Variants in PTPRG observed in about 807,000 individuals in gnomAD.
The protein encoded by PTPRG is receptor-type tyrosine-protein phosphatase gamma.
PTPRG carries 102 observed loss-of-function variants against 165.3 expected under a neutral mutation model. That is an observed-to-expected ratio of 0.62 (90% confidence interval 0.53 to 0.73). The LOEUF is 0.73. Ranked by LOEUF, PTPRG falls within the 30% of genes least tolerant of loss-of-function variation. The probability of loss-of-function intolerance (pLI) is 0.00; values close to 1 mark genes in which losing one functional copy is unlikely to be tolerated. For missense variants in PTPRG, 1,866 were observed against 1,861.4 expected, an observed-to-expected ratio of 1.00 and a Z score of -0.05; for synonymous variants, 675 against 669.5, an observed-to-expected ratio of 1.01 and a Z score of -0.13.
chr3:61,878,985 C>G (rs1476373568), intron 2 of PTPRG, among the ~76,000 whole-genome samples: 2 of 152,148 alleles, frequency 1.3e-5, no homozygotes, highest in African/African-American at 4.8e-5. Flanking sequence ...GTAAGTACTT[C>G]TATATATTAA....
intron 10 of PTPRG, 91 bp from the exon 11 acceptor site, chr3:62,201,414 A>T (rs1576127510): frequency 2.9e-6 from 3 of 1,017,272 alleles, no homozygotes; most frequent in East Asian, 5.1e-5. Flanking sequence ...TGTGAAAATT[A>T]TATGTAATTC....
intron 28 of PTPRG, among the ~76,000 whole-genome samples, chr3:62,290,734 T>C (rs1702855029): frequency 6.6e-6 from 1 of 152,014 alleles, no homozygotes; most frequent in Non-Finnish European, 1.5e-5. Context: ...AAAAATAAAA[T>C]AACTGTAATC....
intron 1 of PTPRG, among the ~76,000 whole-genome samples, chr3:61,739,574 C>G (rs972167829): frequency 1.3e-5 from 2 of 152,188 alleles, no homozygotes; most frequent in African/African-American, 4.8e-5. Context: ...AGAGTAATAT[C>G]TGGTTCAGAC....
intron 2 of PTPRG, among the ~76,000 whole-genome samples, chr3:61,923,692 A>ATTTTTTTTT (rs71123241): frequency 4.1e-4 from 41 of 100,872 alleles, no homozygotes; most frequent in South Asian, 6.9e-4. Flanking sequence ...TATTTTTTGT[A>ATTTTTTTTT]TTTTTTTTTT....
intron 17 of PTPRG, among the ~76,000 whole-genome samples, chr3:62,264,992 G>T (rs1261990609): frequency 6.6e-6 from 1 of 150,406 alleles, no homozygotes; most frequent in Non-Finnish European, 1.5e-5. Flanking sequence ...TTCCTAACCG[G>T]TATGAAGTGG....
intron 1 of PTPRG, among the ~76,000 whole-genome samples, chr3:61,585,949 G>C (rs557826794): frequency 1.3e-5 from 2 of 152,292 alleles, no homozygotes; most frequent in South Asian, 4.1e-4. Flanking sequence ...TGCCTACCTT[G>C]GGGAACCGTC....
intron 6 of PTPRG, among the ~76,000 whole-genome samples, chr3:62,148,686 C>T (rs1192906250): frequency 1.3e-5 from 2 of 152,260 alleles, no homozygotes; most frequent in South Asian, 2.1e-4. Flanking sequence ...CACTTGAACT[C>T]AGAAGGTGGA....
At chr3:61,806,944 G>T (rs2035437201) in intron 2 of PTPRG, among the ~76,000 whole-genome samples, 1 of 152,180 alleles carries the variant, frequency 6.6e-6, no homozygotes, top group South Asian at 2.1e-4. Flanking sequence ...CACAGCTTTT[G>T]TCACTTCAAA....
At chr3:62,168,851 G>A (rs930326411) in intron 8 of PTPRG, among the ~76,000 whole-genome samples, 3 of 152,154 alleles carry the variant, frequency 2.0e-5, no homozygotes, top group Non-Finnish European at 4.4e-5. Context: ...CAATCAGGTC[G>A]CCCATGGACT....
chr3:61,603,348 A>G (rs1201168581), intron 1 of PTPRG, among the ~76,000 whole-genome samples: 1 of 152,144 alleles, frequency 6.6e-6, no homozygotes, highest in African/African-American at 2.4e-5. Flanking sequence ...GTGAGTTCCT[A>G]TGAGATCTGG....
chr3:62,229,657 T>C lies in PTPRG; in HGVS notation c.2289-1568T>C, dbSNP rs114043731. Among the ~76,000 whole-genome samples, 1,513 of 152,342 alleles carry C rather than the reference T, an allele frequency of 9.9e-3. 16 individuals are homozygous for C. The highest frequency in any genetic ancestry group is 0.015 in the Non-Finnish European group (994 of 68,034). On this transcript the variant is annotated intron_variant, in intron 13 of 29. Coordinates refer to ENST00000474889, the MANE Select transcript of PTPRG (RefSeq NM_002841.4). This position sits in a 1 kb window ranked among gnomAD's most constrained non-coding sequence, Gnocchi z 4.6. ...AGGTAACAACCATCTTTCTTTGGAT[T>C]TCTCAGAATTAACTGTCTTCTCCCC...
rs1292391387 is a variant in PTPRG, at chr3:62,229,872, A to G, written c.2289-1353A>G. Among the ~76,000 whole-genome samples, 1 of 152,230 alleles carries G rather than the reference A, an allele frequency of 6.6e-6. No homozygotes were observed. Among genetic ancestry groups the G allele is most frequent in the Non-Finnish European group, 1.5e-5 (1 of 68,032 alleles). ...TGCGGAGATAGCCGGCTCTGCTCCA[A>G]AATTCCTGAAAGAGTGAATCTGGCA... On this transcript the variant is annotated intron_variant, in intron 13 of 29. Transcript: ENST00000474889. This position sits in a 1 kb window ranked among gnomAD's most constrained non-coding sequence, Gnocchi z 4.6.
intron 1 of PTPRG, among the ~76,000 whole-genome samples, chr3:61,637,655 TCTTA>T (rs1701949895): frequency 6.6e-6 from 1 of 152,168 alleles, no homozygotes; most frequent in African/African-American, 2.4e-5. Flanking sequence ...ACTGTAGACT[TCTTA>T]GGAGTCCACC....
intron 2 of PTPRG, among the ~76,000 whole-genome samples, chr3:61,848,112 C>T (rs544328353): frequency 1.3e-5 from 2 of 152,300 alleles, no homozygotes; most frequent in East Asian, 3.9e-4. Flanking sequence ...TGGCTGAGGA[C>T]GTAGGCAATT....
intron 1 of PTPRG, among the ~76,000 whole-genome samples, chr3:61,603,323 G>T (rs1469111086): frequency 6.6e-6 from 1 of 152,164 alleles, no homozygotes; most frequent in Non-Finnish European, 1.5e-5. Context: ...GTGGTTTGGT[G>T]CTGTCTATGC....
chr3:61,729,022 G>A (rs939098), intron 1 of PTPRG, among the ~76,000 whole-genome samples: 43,065 of 151,768 alleles, frequency 0.28, 6,898 homozygotes, highest in East Asian at 0.72. Context: ...AGATTGCACC[G>A]TTGTGCTCCA....
chr3:62,039,593 G>C (rs763125937), intron 4 of PTPRG, among the ~76,000 whole-genome samples: 18 of 152,158 alleles, frequency 1.2e-4, no homozygotes, highest in Admixed American at 3.3e-4. Flanking sequence ...TGGTAGATCT[G>C]AAGGGAGTCT....
chr3:62,020,166 A>G (rs770161461), intron 4 of PTPRG, among the ~76,000 whole-genome samples: 4 of 152,152 alleles, frequency 2.6e-5, no homozygotes, highest in Admixed American at 6.5e-5. Flanking sequence ...ATCAAAATGA[A>G]TATGTTTACA....
At chr3:61,601,790 G>A (rs951266373) in intron 1 of PTPRG, among the ~76,000 whole-genome samples, 2 of 152,172 alleles carry the variant, frequency 1.3e-5, no homozygotes, top group Non-Finnish European at 2.9e-5. Flanking sequence ...GAAGAATCAT[G>A]GAAATCAGGA....
Sources: gnomAD v4.1 joint callset for allele counts (sites outside exome capture counted in the v4.1 genomes callset) on GRCh38, gnomAD v4.1.1 for gene constraint, Gnocchi (gnomAD v3.1) non-coding constraint, MANE v1.5 for transcripts, NCBI Gene and HGNC (gene_info 2026-07-23, HGNC 2026-07-21) for gene names.